SLC12A7: variants seen among roughly 807,000 people sequenced by gnomAD.
The protein encoded by SLC12A7 is solute carrier family 12 member 7.
Under a neutral mutation model 120.6 loss-of-function variants are expected in SLC12A7, and 100 were observed. The ratio of observed to expected loss-of-function variants is 0.83; its 90% CI spans 0.71 to 0.98. The LOEUF (loss-of-function observed/expected upper bound fraction) is 0.98, where lower values mean the gene tolerates loss of function less well. Among genes scored for constraint, SLC12A7 ranks in the 50% least tolerant of loss-of-function variants. The pLI, the probability that SLC12A7 is intolerant of heterozygous loss-of-function variation, is 0.00. For synonymous variants in SLC12A7, 760 were observed against 678.0 expected (o/e 1.12, Z -1.88); for missense variants, 1,373 against 1,548.1 (o/e 0.89, Z 1.90).
At chr5:1,076,908 G>A in intron 12 of SLC12A7, 96 bp from the exon 13 acceptor site, 1 of 847,702 alleles carries the variant, frequency 1.2e-6, no homozygotes, top group South Asian at 1.4e-5. Flanking sequence ...GAATCTTAAA[G>A]ACACAGACCA....
chr5:1,096,681 GAGGGAGGGGGGA>G lies in SLC12A7; in HGVS notation c.125-2445_125-2434del, dbSNP rs1360929178. Among the ~76,000 whole-genome samples, 153 of 125,042 alleles carry G rather than the reference GAGGGAGGGGGGA, an allele frequency of 1.2e-3. 2 individuals are homozygous for G. The highest frequency in any genetic ancestry group is 0.012 in the Admixed American group (144 of 12,430). 82.0% of individuals were successfully genotyped at this position (125,042 alleles called of 152,430 possible). On this transcript the variant is annotated intron_variant, in intron 1 of 23. Transcript: ENST00000264930. The stretch of plus-strand genomic sequence containing the variant: ...AGAGGGAGGGAGGGAAGGAAGAAAG[GAGGGAGGGGGGA>G]AGGGAGGGAAGGAAGGAGGGAGGAA...
chr5:1,074,139 AG>A (rs1410928473), intron 16 of SLC12A7, among the ~76,000 whole-genome samples: 1 of 152,034 alleles, frequency 6.6e-6, no homozygotes, highest in Admixed American at 6.5e-5. Flanking sequence ...ACAATGGCCC[AG>A]GACACACACC....
At chr5:1,132,283 G>A in the SLC12A7 span, among the ~76,000 whole-genome samples, 3 of 152,168 alleles carry the variant, frequency 2.0e-5, no homozygotes, top group South Asian at 2.1e-4. Flanking sequence ...AAAAAGGGGA[G>A]GAGCCCACAG....
the SLC12A7 span, among the ~76,000 whole-genome samples, chr5:1,118,354 C>T: frequency 0.011 from 1,727 of 152,350 alleles, 17 homozygotes; most frequent in Middle Eastern, 0.031. Context: ...AGTCCATGGG[C>T]CTCAGCCCCT....
chr5:1,080,982 C>G (rs1167683093), intron 9 of SLC12A7, among the ~76,000 whole-genome samples: 1 of 131,482 alleles, frequency 7.6e-6, no homozygotes, highest in African/African-American at 2.5e-5. Flanking sequence ...AAGGAACACA[C>G]TACAGAGAGA....
chr5:1,109,814 C>T (rs954607724), intron 1 of SLC12A7, among the ~76,000 whole-genome samples: 9 of 152,374 alleles, frequency 5.9e-5, no homozygotes, highest in South Asian at 2.1e-4. Context: ...GTCACCCAGG[C>T]GCCAGCCCAG....
At chr5:1,149,772 T>C in the SLC12A7 span, among the ~76,000 whole-genome samples, 1 of 152,010 alleles carries the variant, frequency 6.6e-6, no homozygotes, top group Non-Finnish European at 1.5e-5. Flanking sequence ...TTCACATCTG[T>C]TATCCCAGCA....
chr5:1,054,650 G>A (rs562679666), intron 22 of SLC12A7, among the ~76,000 whole-genome samples: 11 of 152,348 alleles, frequency 7.2e-5, no homozygotes, highest in South Asian at 2.1e-4. Flanking sequence ...CGCCCTGGAC[G>A]CAGAGGGGCG....
chr5:1,073,629 C>T lies in SLC12A7; in HGVS notation c.2241+4G>A. The T allele has an allele frequency of 6.3e-7, 1 of 1,599,342 alleles. No homozygotes were observed. Among genetic ancestry groups the T allele is most frequent in the Non-Finnish European group, 8.5e-7 (1 of 1,174,228 alleles). Reference sequence around the variant, plus strand: ...GCCTGGCCCCCAGACCCCGCCCGGCCCACCTCCTCGGCCCGCTGAGCCTCC... The same window carrying T: ...GCCTGGCCCCCAGACCCCGCCCGGCTCACCTCCTCGGCCCGCTGAGCCTCC... On this transcript the variant is annotated splice_donor_region_variant and intron_variant, in intron 17 of 23. Coordinates refer to ENST00000264930, the MANE Select transcript of SLC12A7 (RefSeq NM_006598.3).
chr5:1,154,168 G>C, the SLC12A7 span, among the ~76,000 whole-genome samples: 2 of 151,666 alleles, frequency 1.3e-5, no homozygotes, highest in Non-Finnish European at 2.9e-5. Context: ...ATCTCCACAG[G>C]CTTGTGTCCC....
At chr5:1,102,005 TAGGTTAGTTTTCC>T (rs1742069291) in intron 1 of SLC12A7, among the ~76,000 whole-genome samples, 1 of 152,204 alleles carries the variant, frequency 6.6e-6, no homozygotes, top group Admixed American at 6.5e-5. Flanking sequence ...TTTTTCACTC[TAGGTTAGTTTTCC>T]AGACACCTTA....
In SLC12A7 at chr5:1,083,965, G is replaced by A. The variant is rs200113590; in HGVS notation, c.918-9C>T. ...TCCCCAGGAGGCAGACCCTGGGCGG[G>A]ACAGGGAGGCACGGCACGTGTGCTG... On this transcript the variant is annotated splice_polypyrimidine_tract_variant and intron_variant, in intron 7 of 23. Coordinates refer to ENST00000264930, the MANE Select transcript of SLC12A7 (RefSeq NM_006598.3). 1.3e-6 allele frequency: 2 copies of A among 1,598,436 alleles called. No individual in the cohort carries two copies. The highest frequency in any genetic ancestry group is 1.7e-6 in the Non-Finnish European group (2 of 1,178,924).
intron 9 of SLC12A7, 102 bp from the exon 10 acceptor site, chr5:1,079,598 C>T (rs1477116795): frequency 1.1e-6 from 1 of 925,542 alleles, no homozygotes; most frequent in African/African-American, 1.6e-5. Context: ...TGGGGAGACC[C>T]CGAGCGTGAG....
At chr5:1,136,301 GACAC>G in the SLC12A7 span, among the ~76,000 whole-genome samples, 1 of 152,040 alleles carries the variant, frequency 6.6e-6, no homozygotes, top group Non-Finnish European at 1.5e-5. Context: ...AGACACGACT[GACAC>G]ACAGACATGT....
chr5:1,054,232 C>A (rs1735362423), intron 22 of SLC12A7, among the ~76,000 whole-genome samples: 1 of 152,260 alleles, frequency 6.6e-6, no homozygotes, highest in Non-Finnish European at 1.5e-5. Flanking sequence ...TCCGTCCTCA[C>A]AACGCAGCTC....
chr5:1,155,757 C>T, the SLC12A7 span, among the ~76,000 whole-genome samples: 1 of 150,730 alleles, frequency 6.6e-6, no homozygotes, highest in Admixed American at 6.6e-5. Flanking sequence ...GGGGTCCAGG[C>T]CGGGGTCGGG....
chr5:1,122,534 G>A, the SLC12A7 span, among the ~76,000 whole-genome samples: 179 of 152,234 alleles, frequency 1.2e-3, no homozygotes, highest in Admixed American at 3.9e-3. Flanking sequence ...TTAAGTGTCC[G>A]ACGGACGAAC....
At chr5:1,120,336 G>A in the SLC12A7 span, among the ~76,000 whole-genome samples, 2 of 152,244 alleles carry the variant, frequency 1.3e-5, no homozygotes, top group South Asian at 2.1e-4. Flanking sequence ...CGGATCACAC[G>A]AAGACGGCTT....
At chr5:1,118,690 A>C in the SLC12A7 span, among the ~76,000 whole-genome samples, 6 of 152,380 alleles carry the variant, frequency 3.9e-5, no homozygotes, top group South Asian at 1.2e-3. Context: ...CGTAGGCCTC[A>C]GAGAGCCTGG....
Sources: gnomAD v4.1 joint callset for allele counts (sites outside exome capture counted in the v4.1 genomes callset) on GRCh38, gnomAD v4.1.1 for gene constraint, MANE v1.5 for transcripts, NCBI Gene and HGNC (gene_info 2026-07-23, HGNC 2026-07-21) for gene names.